EBF1: variants seen among roughly 807,000 people sequenced by gnomAD.
The protein encoded by EBF1 is EBF transcription factor 1, also known as transcription factor COE1.
In EBF1, 10 loss-of-function variants were observed where a neutral mutation model predicts 68.4. That is an observed-to-expected ratio of 0.15 (90% CI 0.09 to 0.25). The LOEUF is 0.25. Among genes scored for constraint, EBF1 ranks in the 10% least tolerant of loss-of-function variants. EBF1 has a pLI of 1.00. For missense variants in EBF1, 509 were observed against 794.4 expected, an observed-to-expected ratio of 0.64 and a Z score of 4.32; for synonymous variants, 298 against 299.8, an observed-to-expected ratio of 0.99 and a Z score of 0.06.
chr5:158,706,666 C>T (rs62386869), intron 15 of EBF1, among the ~76,000 whole-genome samples: 8,592 of 152,222 alleles, frequency 0.056, 330 homozygotes, highest in Non-Finnish European at 0.08. Context: ...GGCTGACCTC[C>T]ATCAGTGAGA....
chr5:158,916,891 G>A lies in EBF1; in HGVS notation c.555-76781C>T, dbSNP rs367618637. ...TGTCTCCCCTTCCATGCAATAAGCA[G>A]GTCATAAACATTGTCTTTCCTTCTG... is the stretch of plus-strand genomic sequence containing the variant. On this transcript the variant is annotated intron_variant, in intron 6 of 15. Coordinates refer to ENST00000313708, the MANE Select transcript of EBF1 (RefSeq NM_024007.5). Among the ~76,000 whole-genome samples the A allele has an allele frequency of 6.2e-4, 94 of 152,280 alleles. 1 individual carries two copies. The South Asian group carries it at 0.019, about 31-fold the overall frequency.
At chr5:159,011,299 GCTCTGTAAAAA>G (rs1420698889) in intron 6 of EBF1, among the ~76,000 whole-genome samples, 2 of 152,214 alleles carry the variant, frequency 1.3e-5, no homozygotes, top group Non-Finnish European at 2.9e-5. Context: ...GAAGGGTGAA[GCTCTGTAAAAA>G]ACGGAAAGGC....
intron 9 of EBF1, among the ~76,000 whole-genome samples, chr5:158,792,381 C>T (rs1194178069): frequency 6.6e-6 from 1 of 152,174 alleles, no homozygotes; most frequent in Non-Finnish European, 1.5e-5. Context: ...TCCCACCCCT[C>T]AGGGGGTGAT....
At chr5:158,869,536 T>A (rs1179517840) in intron 6 of EBF1, among the ~76,000 whole-genome samples, 1 of 151,804 alleles carries the variant, frequency 6.6e-6, no homozygotes, top group African/African-American at 2.4e-5. Flanking sequence ...CCTATATTAG[T>A]AGTGTTCTCT....
intron 11 of EBF1, among the ~76,000 whole-genome samples, chr5:158,729,401 A>G (rs1440932482): frequency 6.6e-6 from 1 of 151,942 alleles, no homozygotes; most frequent in Non-Finnish European, 1.5e-5. Context: ...CAATGGGAAG[A>G]ATCTGGCATT....
chr5:158,862,732 C>T (rs912212706), intron 6 of EBF1, among the ~76,000 whole-genome samples: 4 of 151,924 alleles, frequency 2.6e-5, no homozygotes, highest in African/African-American at 9.7e-5. Flanking sequence ...TTATATCCTC[C>T]CTGAGAAACT....
rs1238710927 is a variant in EBF1 at position 158,890,107 on chromosome 5, TG to T, written c.555-49998del. On this transcript the variant is annotated intron_variant, in intron 6 of 15. Transcript: ENST00000313708. ...AAGGACAACTATAATAATATCCTCC[TG>T]TCTAATCCCCTAGGTTGTTGTGAGA... Among the ~76,000 whole-genome samples, 14 of 152,274 alleles carry T rather than the reference TG, an allele frequency of 9.2e-5. No individual in the cohort carries two copies. The East Asian group carries it at 2.3e-3, about 25-fold the overall frequency.
chr5:159,012,359 A>G, intron 6 of EBF1, among the ~76,000 whole-genome samples: 1 of 152,192 alleles, frequency 6.6e-6, no homozygotes, highest in East Asian at 1.9e-4. Flanking sequence ...TTTGGCTTCC[A>G]TATTAGTTAA....
intron 7 of EBF1, among the ~76,000 whole-genome samples, chr5:158,837,877 C>T (rs971017842): frequency 1.3e-5 from 2 of 152,132 alleles, no homozygotes; most frequent in Admixed American, 6.5e-5. Flanking sequence ...CACTGTTTCA[C>T]GCCCAGCTAT....
intron 10 of EBF1, among the ~76,000 whole-genome samples, chr5:158,737,892 G>A (rs1169765993): frequency 6.6e-6 from 1 of 152,200 alleles, no homozygotes; most frequent in Non-Finnish European, 1.5e-5. Flanking sequence ...ACTTGCATAT[G>A]TTTGGAAATT....
chr5:158,899,601 A>G (rs748074458), intron 6 of EBF1, among the ~76,000 whole-genome samples: 8 of 152,220 alleles, frequency 5.3e-5, no homozygotes, highest in Non-Finnish European at 4.4e-5. Flanking sequence ...AACGGGAAGA[A>G]CACTTGCAAT....
intron 6 of EBF1, among the ~76,000 whole-genome samples, chr5:158,971,206 G>A (rs1755581580): frequency 6.6e-6 from 1 of 152,202 alleles, no homozygotes; most frequent in African/African-American, 2.4e-5. Flanking sequence ...ATTCTTGCAA[G>A]AAGAATGAGT....
intron 6 of EBF1, among the ~76,000 whole-genome samples, chr5:158,957,689 A>C (rs1346091442): frequency 6.6e-6 from 1 of 152,224 alleles, no homozygotes; most frequent in Non-Finnish European, 1.5e-5. Context: ...CAGAGGCTGA[A>C]TCAGAAAATC....
chr5:158,853,664 A>G (rs1793417665), intron 6 of EBF1, among the ~76,000 whole-genome samples: 1 of 152,178 alleles, frequency 6.6e-6, no homozygotes, highest in Non-Finnish European at 1.5e-5. Context: ...GAGACGAGAC[A>G]GTCTCAAAAA....
At chr5:158,886,241 C>T (rs1432289747) in intron 6 of EBF1, among the ~76,000 whole-genome samples, 1 of 152,244 alleles carries the variant, frequency 6.6e-6, no homozygotes, top group South Asian at 2.1e-4. Flanking sequence ...GGACCAGTGG[C>T]TAAACCACAA....
chr5:158,842,819 A>C (rs1307299453), intron 6 of EBF1, among the ~76,000 whole-genome samples: 2 of 152,238 alleles, frequency 1.3e-5, no homozygotes, highest in African/African-American at 4.8e-5. Flanking sequence ...CCCATTTTAT[A>C]GATGAGAAAA....
intron 11 of EBF1, 34 bp from the exon 12 acceptor site, chr5:158,714,216 T>C: frequency 6.2e-7 from 1 of 1,611,308 alleles, no homozygotes; most frequent in Non-Finnish European, 8.5e-7. Context: ...ATCCTTTGAG[T>C]GAAGGCAGGT....
intron 11 of EBF1, among the ~76,000 whole-genome samples, chr5:158,719,868 G>C (rs1761563141): frequency 6.6e-6 from 1 of 151,948 alleles, no homozygotes; most frequent in Non-Finnish European, 1.5e-5. Flanking sequence ...TCTGTGCTTG[G>C]CTTTATGCTT....
Position 159,009,294 on chromosome 5 carries a change from T to C in EBF1, c.554+64102A>G, listed in dbSNP as rs549055156. On this transcript the variant is annotated intron_variant, in intron 6 of 15. Transcript: ENST00000313708. ...AGCGCATGTTTTCTGTTAATTGTTTTATAGTGTTAAGAGACCCACACAGAA... is the reference window on the plus strand; with the variant it reads ...AGCGCATGTTTTCTGTTAATTGTTTCATAGTGTTAAGAGACCCACACAGAA... Among the ~76,000 whole-genome samples, 127 of 152,312 alleles carry C rather than the reference T, an allele frequency of 8.3e-4. 1 individual carries two copies. The highest frequency in any genetic ancestry group is 2.9e-3 in the African/African-American group (119 of 41,564).
Sources: allele counts gnomAD v4.1 joint callset (sites outside exome capture counted in the v4.1 genomes callset), GRCh38; gene constraint gnomAD v4.1.1; transcripts MANE v1.5; gene names NCBI Gene and HGNC (gene_info 2026-07-23, HGNC 2026-07-21).